EFNA5: variants seen among roughly 807,000 people sequenced by gnomAD.
EFNA5 encodes the protein ephrin A5, also known as ephrin-A5.
Under a neutral mutation model 22.9 loss-of-function variants are expected in EFNA5, and 5 were observed. That is an observed-to-expected ratio of 0.22 (90% CI 0.11 to 0.46). The LOEUF is 0.46. Ranked by LOEUF, EFNA5 falls within the 20% of genes least tolerant of loss-of-function variation. The pLI, the probability that EFNA5 is intolerant of heterozygous loss-of-function variation, is 0.99. For synonymous variants in EFNA5, 113 were observed against 112.2 expected (o/e 1.01, Z -0.04); for missense variants, 237 against 293.3 (o/e 0.81, Z 1.40).
intron 2 of EFNA5, among the ~76,000 whole-genome samples, chr5:107,420,660 C>T (rs893299004): frequency 2.6e-5 from 4 of 151,622 alleles, no homozygotes; most frequent in Non-Finnish European, 5.9e-5. Context: ...GAGGGAACTG[C>T]TGGAGAGGGT....
At chr5:107,559,496 CA>C (rs967961219) in intron 1 of EFNA5, among the ~76,000 whole-genome samples, 4 of 152,178 alleles carry the variant, frequency 2.6e-5, no homozygotes, top group African/African-American at 7.2e-5. Flanking sequence ...CACTCCCTAA[CA>C]GTTCTCTCAT....
At chr5:107,572,377 T>G (rs557502168) in intron 1 of EFNA5, among the ~76,000 whole-genome samples, 2 of 152,240 alleles carry the variant, frequency 1.3e-5, no homozygotes, top group Admixed American at 1.3e-4. Flanking sequence ...CTTTGTCCAG[T>G]CACGGTTCTC....
intron 1 of EFNA5, among the ~76,000 whole-genome samples, chr5:107,555,820 C>G (rs138561099): frequency 1.6e-3 from 237 of 152,266 alleles, no homozygotes; most frequent in African/African-American, 5.4e-3. Context: ...AGCATTCTTT[C>G]TACTTCTTTC....
At chr5:107,555,939 T>G (rs954946089) in intron 1 of EFNA5, among the ~76,000 whole-genome samples, 3 of 152,132 alleles carry the variant, frequency 2.0e-5, no homozygotes, top group African/African-American at 7.2e-5. Flanking sequence ...CAGCTCATAC[T>G]CCTCCTATAA....
At chr5:107,405,744 A>G (rs886376860) in intron 2 of EFNA5, among the ~76,000 whole-genome samples, 1 of 151,940 alleles carries the variant, frequency 6.6e-6, no homozygotes, top group South Asian at 2.1e-4. Context: ...AATGGCTCCA[A>G]TCTGACTCAG....
chr5:107,529,179 T>C (rs1561423214), intron 1 of EFNA5, among the ~76,000 whole-genome samples: 1 of 152,218 alleles, frequency 6.6e-6, no homozygotes, highest in Non-Finnish European at 1.5e-5. Context: ...AATTTCAATA[T>C]TGGTAGATAA....
chr5:107,431,088 T>C (rs1422685089), intron 1 of EFNA5, among the ~76,000 whole-genome samples: 1 of 152,236 alleles, frequency 6.6e-6, no homozygotes, highest in Non-Finnish European at 1.5e-5. Context: ...TTAGTATTTC[T>C]ACCCTTTTAG....
chr5:107,451,987 A>G (rs1316077850), intron 1 of EFNA5, among the ~76,000 whole-genome samples: 3 of 152,242 alleles, frequency 2.0e-5, no homozygotes, highest in Non-Finnish European at 2.9e-5. Flanking sequence ...AGGTCCATCA[A>G]TGATAGACAG....
intron 1 of EFNA5, among the ~76,000 whole-genome samples, chr5:107,528,740 G>A (rs1465151370): frequency 6.6e-6 from 1 of 152,044 alleles, no homozygotes; most frequent in African/African-American, 2.4e-5. Context: ...TCAAACTATT[G>A]CAAATGAAAT....
intron 1 of EFNA5, among the ~76,000 whole-genome samples, chr5:107,537,483 C>T (rs994192401): frequency 5.9e-5 from 9 of 152,012 alleles, no homozygotes; most frequent in African/African-American, 2.2e-4. Flanking sequence ...CCTGTAATCC[C>T]AGCTACTTGG....
chr5:107,450,782 C>T (rs1427403293), intron 1 of EFNA5, among the ~76,000 whole-genome samples: 2 of 152,182 alleles, frequency 1.3e-5, no homozygotes, highest in African/African-American at 4.8e-5. Flanking sequence ...AGTCAGAAAC[C>T]ACTCAAACCA....
intron 1 of EFNA5, among the ~76,000 whole-genome samples, chr5:107,486,493 A>AAG: frequency 6.6e-6 from 1 of 152,334 alleles, no homozygotes; most frequent in East Asian, 1.9e-4. Context: ...GGAAATCCTG[A>AAG]GGCTATAAAA....
chr5:107,588,756 T>A (rs542278861), intron 1 of EFNA5, among the ~76,000 whole-genome samples: 1 of 152,296 alleles, frequency 6.6e-6, no homozygotes, highest in East Asian at 1.9e-4. Context: ...TGTAATAGAA[T>A]GTAGAGAGGG....
chr5:107,415,031 C>T (rs755722099), intron 2 of EFNA5, among the ~76,000 whole-genome samples: 3 of 152,140 alleles, frequency 2.0e-5, no homozygotes, highest in Non-Finnish European at 4.4e-5. Flanking sequence ...AGTCAGAATG[C>T]CTTTGCTCAA....
At chr5:107,422,084 C>A (rs1157796482) in intron 2 of EFNA5, among the ~76,000 whole-genome samples, 2 of 152,234 alleles carry the variant, frequency 1.3e-5, no homozygotes, top group Non-Finnish European at 2.9e-5. Context: ...AGCCACTGCG[C>A]CCGGCCCTCT....
At chr5:107,459,156 G>A (rs1353292744) in intron 1 of EFNA5, among the ~76,000 whole-genome samples, 1 of 152,116 alleles carries the variant, frequency 6.6e-6, no homozygotes, top group African/African-American at 2.4e-5. Flanking sequence ...CACTTTGAGA[G>A]GCTGAGGCAG....
chr5:107,472,756 T>C (rs981523167), intron 1 of EFNA5, among the ~76,000 whole-genome samples: 2 of 152,164 alleles, frequency 1.3e-5, no homozygotes, highest in African/African-American at 2.4e-5. Context: ...GGCAGCTTAT[T>C]TGCACCAAAA....
At chr5:107,448,326 C>A (rs1159248714) in intron 1 of EFNA5, among the ~76,000 whole-genome samples, 4 of 152,212 alleles carry the variant, frequency 2.6e-5, no homozygotes, top group Non-Finnish European at 1.5e-5. Context: ...TTCACTTATT[C>A]TTCCATTAAA....
chr5:107,422,872 A>C (rs1376581091), intron 2 of EFNA5, among the ~76,000 whole-genome samples: 1 of 152,204 alleles, frequency 6.6e-6, no homozygotes, highest in Non-Finnish European at 1.5e-5. Flanking sequence ...GAGACCACAG[A>C]TAATGATGAC....
Sources: allele counts gnomAD v4.1 joint callset (sites outside exome capture counted in the v4.1 genomes callset), GRCh38; gene constraint gnomAD v4.1.1; transcripts MANE v1.5; gene names NCBI Gene and HGNC (gene_info 2026-07-23, HGNC 2026-07-21).